STRIP2: variants seen among roughly 807,000 people sequenced by gnomAD.
The protein encoded by STRIP2 is striatin-interacting protein 2.
In STRIP2, 84 loss-of-function variants were observed where a neutral mutation model predicts 107.1. That is an observed-to-expected ratio of 0.78 (90% confidence interval 0.66 to 0.94). The LOEUF (loss-of-function observed/expected upper bound fraction) is 0.94, where lower values mean the gene tolerates loss of function less well. STRIP2 is among the 40% of genes least tolerant of loss of function. The pLI, the probability that STRIP2 is intolerant of heterozygous loss-of-function variation, is 0.00. For missense variants in STRIP2, 888 were observed against 1,034.2 expected, an observed-to-expected ratio of 0.86 and a Z score of 1.94; for synonymous variants, 394 against 400.4, an observed-to-expected ratio of 0.98 and a Z score of 0.19.
chr7:129,446,896 G>A (rs968316417), intron 3 of STRIP2, among the ~76,000 whole-genome samples: 1 of 152,188 alleles, frequency 6.6e-6, no homozygotes, highest in Non-Finnish European at 1.5e-5. Flanking sequence ...AGGCAGTTGA[G>A]GTCGCATGGT....
chr7:129,436,887 T>G (rs762732682), intron 1 of STRIP2, among the ~76,000 whole-genome samples: 1 of 152,190 alleles, frequency 6.6e-6, no homozygotes, highest in Non-Finnish European at 1.5e-5. Context: ...AGAATAATTG[T>G]TTGCTTAATA....
rs1399260944 is a variant in STRIP2, at chr7:129,461,404, A to T, written c.1476+1032A>T. ...ACTGGCTGAGATAACCCAGGGAGGG[A>T]GTAGAGACAAAGAAGAGAATGGAAG... On this transcript the variant is annotated intron_variant, in intron 13 of 20. Transcript: ENST00000249344. The surrounding 1 kb of genome is among the most constrained non-coding windows in gnomAD (Gnocchi z 4.0). Among the ~76,000 whole-genome samples, 1 of 152,164 alleles carries T rather than the reference A, an allele frequency of 6.6e-6. No individual in the cohort carries two copies. The highest frequency in any genetic ancestry group is 1.5e-5 in the Non-Finnish European group (1 of 68,038).
At chr7:129,472,770 CTTTTCCTTTT>C (rs1798818701) in intron 18 of STRIP2, among the ~76,000 whole-genome samples, 1 of 27,384 alleles carries the variant, frequency 3.7e-5, no homozygotes, top group African/African-American at 1.4e-4. Context: ...ATTTTCTTTT[CTTTTCCTTTT>C]TTTTTTTTTT....
rs1019753954 is a variant in STRIP2 at position 129,434,727 on chromosome 7, C to T, written c.129+126C>T. 6.1e-6 allele frequency: 7 copies of T among 1,152,302 alleles called. No homozygotes were observed. The African/African-American group carries it at 8.2e-5, about 13-fold the overall frequency. 71.4% of individuals were successfully genotyped at this position (1,152,302 alleles called of 1,614,324 possible). On this transcript the variant is annotated intron_variant, in intron 1 of 20. Transcript: ENST00000249344. The stretch of plus-strand genomic sequence containing the variant: ...TCGATCAGCCCCGCGCAGTGGGCGC[C>T]TGCGGGGTCCTAGCGGCTGAACTCT...
chr7:129,479,988 A>G (rs1002604919), intron 18 of STRIP2, among the ~76,000 whole-genome samples: 9 of 152,188 alleles, frequency 5.9e-5, no homozygotes, highest in African/African-American at 2.2e-4. Flanking sequence ...TCTACATGTC[A>G]TCTACTCCTA....
Position 129,463,032 on chromosome 7 carries a change from C to T in STRIP2, c.1543C>T (p.Gln515Ter). 1.2e-6 allele frequency: 2 copies of T among 1,613,160 alleles called. No homozygotes were observed. The highest frequency in any genetic ancestry group is 1.1e-5 in the South Asian group (1 of 91,002). ...CCAGGGAATGCTGTACAGCCTTCCGCAGTATATGGTAAGGAGATGGCTAGG... is the reference window on the plus strand; with the variant it reads ...CCAGGGAATGCTGTACAGCCTTCCGTAGTATATGGTAAGGAGATGGCTAGG... ...LYQGMLYSLPQYMIALLKILL... is the reference protein window; with the variant it reads ...LYQGMLYSLP Residue 515 changes from glutamine to a stop codon, truncating the protein, a stop_gained, in exon 14 of 21, where the codon CAG (glutamine) becomes TAG (stop). Coordinates refer to ENST00000249344, the MANE Select transcript of STRIP2 (RefSeq NM_020704.3). LOFTEE classifies it high-confidence loss of function.
rs766127919 is a variant in STRIP2, at chr7:129,464,158, G to A, written c.1649+17G>A. 1 of 1,585,312 alleles carries A rather than the reference G, an allele frequency of 6.3e-7. No individual in the cohort carries two copies. The highest frequency in any genetic ancestry group is 1.3e-5 in the African/African-American group (1 of 74,448). On this transcript the variant is annotated intron_variant, in intron 15 of 20. Transcript: ENST00000249344. ...GGAGATGCCGTGAGTGCTTCAACGG[G>A]GGCAGCTGCTGGATACTAGCTGTCT... is the stretch of plus-strand genomic sequence containing the variant.
chr7:129,460,130 G>A (rs963562743), intron 12 of STRIP2, among the ~76,000 whole-genome samples, 171 bp from the exon 13 acceptor site: 2 of 152,238 alleles, frequency 1.3e-5, no homozygotes, highest in Non-Finnish European at 2.9e-5. Context: ...TTTGACTGGT[G>A]CTGATGATGC....
chr7:129,464,634 A>G lies in STRIP2; in HGVS notation c.1672A>G (p.Lys558Glu), dbSNP rs766216195. 16 of 1,613,960 alleles carry G rather than the reference A, an allele frequency of 9.9e-6. No homozygotes were observed. Among genetic ancestry groups the G allele is most frequent in the Admixed American group, 1.7e-5 (1 of 59,998 alleles). ...EMPITVLQSMKLGIDVNRHKE... is the reference protein window; with the variant it reads ...EMPITVLQSMELGIDVNRHKE... ...TAGCATCACTGTTCTCCAGAGCATG[A>G]AGCTGGGCATCGATGTGAACAGGCA... is the stretch of plus-strand genomic sequence containing the variant. Residue 558 changes from lysine to glutamate, a missense_variant, in exon 16 of 21, where the codon AAG (lysine) becomes GAG (glutamate). Lys to Glu is a moderately conservative substitution (Grantham distance 56). Transcript: ENST00000249344.
At chr7:129,456,416 C>T (rs746834958) in intron 8 of STRIP2, 23 bp from the exon 9 acceptor site, 4 of 1,609,072 alleles carry the variant, frequency 2.5e-6, no homozygotes, top group African/African-American at 2.7e-5. Context: ...TCTCTCTCTG[C>T]CCCTTTCCTG....
chr7:129,454,179 G>A lies in STRIP2; in HGVS notation c.568G>A (p.Ala190Thr). ...CTGTAGCAGTGCCCTTCGGAAACCA[G>A]CTGTCTCCATAGCTGATAGCACAGA... ...QACSSALRKP[A>T]VSIADSTELR... is the part of the protein sequence containing the mutation. The change falls in exon 6 of 21, where the codon GCT becomes ACT. Residue 190 changes from alanine to threonine, a missense_variant. Ala to Thr is a moderately conservative substitution (Grantham distance 58). Coordinates refer to ENST00000249344, the MANE Select transcript of STRIP2 (RefSeq NM_020704.3). 4 of 1,614,158 alleles carry A rather than the reference G, an allele frequency of 2.5e-6. No individual in the cohort carries two copies. The South Asian group carries it at 3.3e-5, about 13-fold the overall frequency.
chr7:129,451,161 A>G (rs927788063), intron 3 of STRIP2, among the ~76,000 whole-genome samples: 44 of 151,836 alleles, frequency 2.9e-4, no homozygotes, highest in African/African-American at 9.4e-4. Context: ...GGATGGTCTC[A>G]ATCTCCTGAC....
In STRIP2 at chr7:129,438,434, C is replaced by T. The variant is rs151330336; in HGVS notation, c.130-1588C>T. On this transcript the variant is annotated intron_variant, in intron 1 of 20. Coordinates refer to ENST00000249344, the MANE Select transcript of STRIP2 (RefSeq NM_020704.3). ...GTATAATATTAAAATCATAGAGTGA[C>T]CACTCACATAGTGCTACGAAGTGCT... Among the ~76,000 whole-genome samples, 100 of 152,232 alleles carry T rather than the reference C, an allele frequency of 6.6e-4. 1 individual carries two copies. The highest frequency in any genetic ancestry group is 2.0e-3 in the African/African-American group (85 of 41,516).
At chr7:129,439,311 G>A (rs898154736) in intron 1 of STRIP2, among the ~76,000 whole-genome samples, 3 of 152,096 alleles carry the variant, frequency 2.0e-5, no homozygotes, top group African/African-American at 7.2e-5. Context: ...GGCACAGAGA[G>A]GTTAACTTGT....
Position 129,463,015 on chromosome 7 carries a change from T to C in STRIP2, c.1526T>C (p.Met509Thr). Residue 509 changes from methionine to threonine, a missense_variant, in exon 14 of 21, where the codon ATG (methionine) becomes ACG (threonine). Physicochemically the swap from Met to Thr is moderately conservative, Grantham distance 81. Coordinates refer to ENST00000249344, the MANE Select transcript of STRIP2 (RefSeq NM_020704.3). Reference sequence around the variant, plus strand: ...CCATGTGAAATCCTCTACCAGGGAATGCTGTACAGCCTTCCGCAGTATATG... The same window carrying C: ...CCATGTGAAATCCTCTACCAGGGAACGCTGTACAGCCTTCCGCAGTATATG... ...ETPCEILYQGMLYSLPQYMIA... is the reference protein window; with the variant it reads ...ETPCEILYQGTLYSLPQYMIA... 6.2e-7 allele frequency: 1 copy of C among 1,614,016 alleles called. No homozygotes were observed. The highest frequency in any genetic ancestry group is 1.1e-5 in the South Asian group (1 of 91,074).
intron 20 of STRIP2, among the ~76,000 whole-genome samples, chr7:129,485,094 A>T (rs2151022114): frequency 6.6e-6 from 1 of 152,320 alleles, no homozygotes; most frequent in African/African-American, 2.4e-5. Flanking sequence ...TCTCCATGTT[A>T]TACCCCTCTT....
chr7:129,477,162 G>A (rs566385918), intron 18 of STRIP2, among the ~76,000 whole-genome samples: 3 of 141,450 alleles, frequency 2.1e-5, no homozygotes, highest in Admixed American at 1.4e-4. Context: ...GAGGGAGACC[G>A]TGGAAAGAGG....
chr7:129,440,876 G>A (rs1200325634), intron 2 of STRIP2, among the ~76,000 whole-genome samples: 2 of 152,142 alleles, frequency 1.3e-5, no homozygotes, highest in African/African-American at 2.4e-5. Flanking sequence ...TGCTTTTTCA[G>A]AGAAAAGAGA....
intron 12 of STRIP2, 63 bp from the exon 13 acceptor site, chr7:129,460,238 A>C: frequency 1.3e-5 from 19 of 1,435,790 alleles, no homozygotes; most frequent in South Asian, 3.9e-5. Context: ...AATTTAAGTA[A>C]GAGACTGGTA....
Sources: gnomAD v4.1 joint callset for allele counts (sites outside exome capture counted in the v4.1 genomes callset) on GRCh38, gnomAD v4.1.1 for gene constraint, Gnocchi (gnomAD v3.1) non-coding constraint, MANE v1.5 for transcripts, NCBI Gene and HGNC (gene_info 2026-07-23, HGNC 2026-07-21) for gene names.